The following ZNF750 variants were observed in gnomAD, a reference collection of about 807,000 sequenced individuals.
The protein encoded by ZNF750 is zinc finger protein 750.
In ZNF750, 10 loss-of-function variants were observed where a neutral mutation model predicts 31.6. The observed-to-expected ratio is 0.32, with a 90% CI of 0.19 to 0.54. The LOEUF is 0.54. Among genes scored for constraint, ZNF750 ranks in the 20% least tolerant of loss-of-function variants. ZNF750 has a pLI of 0.95. For synonymous variants in ZNF750, 400 were observed against 404.9 expected (o/e 0.99, Z 0.15); for missense variants, 914 against 934.9 (o/e 0.98, Z 0.29).
At position 82,833,224 on chromosome 17, in the gene ZNF750, G is replaced by A. The variant is rs1487801341; in HGVS notation, c.-182-588C>T. Among the ~76,000 whole-genome samples the A allele has an allele frequency of 6.6e-6, 1 of 152,054 alleles. No homozygotes were observed. Among genetic ancestry groups the A allele is most frequent in the Admixed American group, 6.5e-5 (1 of 15,278 alleles). ...AGCGTGGGCTGGCCACCGTCTACTT[G>A]CTCCTACCTGCTGGCTGGGAGCTCT... is the stretch of plus-strand genomic sequence containing the variant. On this transcript the variant is annotated intron_variant, in intron 1 of 2. Transcript: ENST00000269394. This position sits in a 1 kb window ranked among gnomAD's most constrained non-coding sequence, Gnocchi z 4.7.
In ZNF750 at chr17:82,830,147, A is replaced by G. The variant is rs2053345064; in HGVS notation, c.2167T>C (p.Ser723Pro). ...ACACACGTGTGAACCCGGCGTTAGGACACCCGGGCCCTCCTTCGTAGTGTG... is the reference window on the plus strand; with the variant it reads ...ACACACGTGTGAACCCGGCGTTAGGGCACCCGGGCCCTCCTTCGTAGTGTG... ...VFTLRRRARV[S>P] Residue 723 changes from serine to proline, a missense_variant, in exon 3 of 3, where the codon TCC becomes CCC. Ser to Pro is a moderately conservative substitution (Grantham distance 74). Coordinates refer to ENST00000269394, the MANE Select transcript of ZNF750 (RefSeq NM_024702.3). 6.2e-7 allele frequency: 1 copy of G among 1,613,592 alleles called. No homozygotes were observed. The highest frequency in any genetic ancestry group is 1.3e-5 in the African/African-American group (1 of 74,910).
chr17:82,838,837 G>C (rs932261975), intron 1 of ZNF750: 2 of 985,430 alleles, frequency 2.0e-6, no homozygotes, highest in African/African-American at 1.7e-5. Context: ...ACCTGAGCTC[G>C]TAAACAAACG....
At position 82,831,127 on chromosome 17, in the gene ZNF750, C is replaced by T. The variant is rs2053468809; in HGVS notation, c.1328G>A (p.Gly443Glu). ...GCTTTGCTCTGGCGGGTAGAGTCTT[C>T]CCAGTGCGCTGGAGGCTGCCTTGTT... ...LSNKAASSAL[G>E]RLYPPEQSLT... Residue 443 changes from glycine to glutamate, a missense_variant, in exon 2 of 3, where the codon GGA becomes GAA. Around this residue, in one of 2 missense-constraint regions of ZNF750, gnomAD observed 880 missense variants for 868.9 expected, o/e 1.01. Transcript: ENST00000269394. The surrounding 1 kb of genome is among the most constrained non-coding windows in gnomAD (Gnocchi z 4.6). 6.2e-7 allele frequency: 1 copy of T among 1,614,122 alleles called. No individual in the cohort carries two copies. The highest frequency in any genetic ancestry group is 8.5e-7 in the Non-Finnish European group (1 of 1,180,038).
rs1321305462 is a variant in ZNF750 at position 82,833,615 on chromosome 17, T to C, written c.-182-979A>G. 6.6e-6 allele frequency among the ~76,000 whole-genome samples: 1 copy of C among 152,198 alleles called. No individual in the cohort carries two copies. Among genetic ancestry groups the C allele is most frequent in the Non-Finnish European group, 1.5e-5 (1 of 68,038 alleles). On this transcript the variant is annotated intron_variant, in intron 1 of 2. Transcript: ENST00000269394. The surrounding 1 kb of genome is among the most constrained non-coding windows in gnomAD (Gnocchi z 4.7). ...CCCGGTTCCTGCTGGCCAGGAGGCA[T>C]GGCCAGCAGCGCCTGCCCGTCCAGA...
chr17:82,832,448 G>C lies in ZNF750; in HGVS notation c.7C>G (p.Leu3Val), dbSNP rs762572309. The C allele has an allele frequency of 6.2e-7, 1 of 1,610,710 alleles. No homozygotes were observed. The highest frequency in any genetic ancestry group is 8.5e-7 in the Non-Finnish European group (1 of 1,179,940). ...TTTTTTGGCTTCCGCTCTTTGAGGA[G>C]ACTCATTTTCCTCCTTATGCCTTGG... MS[L>V]LKERKPKKPH... Residue 3 changes from leucine (L) to valine (V), a missense_variant, in exon 2 of 3, where the codon CTC (leucine) becomes GTC (valine). Transcript: ENST00000269394. The surrounding 1 kb of genome is among the most constrained non-coding windows in gnomAD (Gnocchi z 4.9).
rs2053703394 is a variant in ZNF750 at position 82,833,609 on chromosome 17, G to C, written c.-182-973C>G. 6.6e-6 allele frequency among the ~76,000 whole-genome samples: 1 copy of C among 152,318 alleles called. No individual in the cohort carries two copies. Among genetic ancestry groups the C allele is most frequent in the African/African-American group, 2.4e-5 (1 of 41,566 alleles). The stretch of plus-strand genomic sequence containing the variant: ...CGGTCACCCGGTTCCTGCTGGCCAG[G>C]AGGCATGGCCAGCAGCGCCTGCCCG... On this transcript the variant is annotated intron_variant, in intron 1 of 2. Transcript: ENST00000269394. This position sits in a 1 kb window ranked among gnomAD's most constrained non-coding sequence, Gnocchi z 4.7.
intron 2 of ZNF750, 56 bp downstream of exon 2, chr17:82,830,963 C>G (rs957646999): frequency 6.2e-7 from 1 of 1,613,302 alleles, no homozygotes. Context: ...AAGCCTGGCT[C>G]ATGGAACCCA....
At position 82,831,861 on chromosome 17, in the gene ZNF750, C is replaced by T. The variant is rs1029418347; in HGVS notation, c.594G>A (p.Ser198=). 9 of 1,613,922 alleles carry T rather than the reference C, an allele frequency of 5.6e-6. No individual in the cohort carries two copies. Among genetic ancestry groups the T allele is most frequent in the Admixed American group, 3.3e-5 (2 of 59,994 alleles). The change falls in exon 2 of 3, where the codon TCG becomes TCA. Residue 198 remains serine (S), a synonymous_variant. Coordinates refer to ENST00000269394, the MANE Select transcript of ZNF750 (RefSeq NM_024702.3). The surrounding 1 kb of genome is among the most constrained non-coding windows in gnomAD (Gnocchi z 4.6). ...TAKAVSFHTK[S]AFHTPGYPWK... is the part of the protein sequence containing the mutation. ...AGGGGTAGCCAGGAGTGTGGAAGGC[C>T]GACTTGGTGTGGAAAGACACGGCCT...
Position 82,832,739 on chromosome 17 carries a change from C to T in ZNF750, c.-182-103G>A, listed in dbSNP as rs2053626968. On this transcript the variant is annotated intron_variant, in intron 1 of 2. Coordinates refer to ENST00000269394, the MANE Select transcript of ZNF750 (RefSeq NM_024702.3). This position sits in a 1 kb window ranked among gnomAD's most constrained non-coding sequence, Gnocchi z 4.9. ...CCACAGGATCCCTGAAGCAGAACCC[C>T]TGAAGGGCTGAAACTGCCTGCTCCT... 2.1e-5 allele frequency: 10 copies of T among 484,394 alleles called. No homozygotes were observed. The highest frequency in any genetic ancestry group is 1.7e-4 in the South Asian group (8 of 47,152). The allele number at this position is 484,394 out of a possible 1,614,324, so 30.0% of individuals were successfully genotyped here.
intron 1 of ZNF750, among the ~76,000 whole-genome samples, chr17:82,836,169 G>A (rs753298438): frequency 1.4e-4 from 22 of 152,262 alleles, no homozygotes; most frequent in Non-Finnish European, 3.1e-4. Flanking sequence ...GGTGATGAAA[G>A]CAGTTTCCCT....
Position 82,831,469 on chromosome 17 carries a change from GA to G in ZNF750, c.985del (p.Ser329ProfsTer37). 6.2e-7 allele frequency: 1 copy of G among 1,614,214 alleles called. No homozygotes were observed. Among genetic ancestry groups the G allele is most frequent in the Non-Finnish European group, 8.5e-7 (1 of 1,180,038 alleles). On this transcript the variant is annotated frameshift_variant, in exon 2 of 3. Transcript: ENST00000269394. LOFTEE classifies it high-confidence loss of function. This position sits in a 1 kb window ranked among gnomAD's most constrained non-coding sequence, Gnocchi z 4.6. ...YGFYRPESAF[S>X]SYGLRLPPVT... ...AGGTGGGAGTCTGAGACCATAGGAG[GA>G]AAATGCAGACTCTGGCCTGTAAAAT... is the stretch of plus-strand genomic sequence containing the variant.
chr17:82,832,029 A>G lies in ZNF750; in HGVS notation c.426T>C (p.Ala142=). 2 of 1,612,760 alleles carry G rather than the reference A, an allele frequency of 1.2e-6. No individual in the cohort carries two copies. The highest frequency in any genetic ancestry group is 1.3e-5 in the African/African-American group (1 of 74,992). The change falls in exon 2 of 3, where the codon GCT becomes GCC. Residue 142 remains alanine, a synonymous_variant. Transcript: ENST00000269394. This position sits in a 1 kb window ranked among gnomAD's most constrained non-coding sequence, Gnocchi z 4.9. ...LHRASPCKSP[A]PEAALGAQPA... Reference sequence around the variant, plus strand: ...GCTGGGCACCGAGGGCGGCTTCCGGAGCTGGGCTCTTGCAGGGTGATGCCC... The same window carrying G: ...GCTGGGCACCGAGGGCGGCTTCCGGGGCTGGGCTCTTGCAGGGTGATGCCC...
rs1460718970 is a variant in ZNF750, at chr17:82,830,325, G to C, written c.1989C>G (p.Cys663Trp). Reference sequence around the variant, plus strand: ...AGCTCAGTGTGGGTGTGTCTTGCCGGCAGGCAGGTTCCGGGGCCGCAGCAT... The same window carrying C: ...AGCTCAGTGTGGGTGTGTCTTGCCGCCAGGCAGGTTCCGGGGCCGCAGCAT... Reference protein sequence around the residue: ...DGDAAAPEPACRQDTPTLSSM... With the variant: ...DGDAAAPEPAWRQDTPTLSSM... The change falls in exon 3 of 3, where the codon TGC (cysteine) becomes TGG (tryptophan). Residue 663 changes from cysteine (C) to tryptophan (W), a missense_variant. Physicochemically the swap from Cys to Trp is radical, Grantham distance 215. Transcript: ENST00000269394. The C allele has an allele frequency of 1.2e-6, 2 of 1,614,024 alleles. No individual in the cohort carries two copies. Among genetic ancestry groups the C allele is most frequent in the Non-Finnish European group, 1.7e-6 (2 of 1,180,044 alleles).
chr17:82,837,233 A>G lies in ZNF750; in HGVS notation c.-183+2694T>C, dbSNP rs201380869. 1.1e-4 allele frequency among the ~76,000 whole-genome samples: 16 copies of G among 152,346 alleles called. No homozygotes were observed. In the East Asian group the frequency reaches 3.1e-3, roughly 29 times the overall value. On this transcript the variant is annotated intron_variant, in intron 1 of 2. Coordinates refer to ENST00000269394, the MANE Select transcript of ZNF750 (RefSeq NM_024702.3). ...TGCTTAAGTGAGGTTTATAAGGATG[A>G]AGAAACCAAACCCGACGGCCAGTAC...
At position 82,830,474 on chromosome 17, in the gene ZNF750, G is replaced by A. The variant is rs144887046; in HGVS notation, c.1840C>T (p.Pro614Ser). 9.8e-5 allele frequency: 158 copies of A among 1,613,122 alleles called. No homozygotes were observed. Among genetic ancestry groups the A allele is most frequent in the Non-Finnish European group, 1.2e-4 (146 of 1,179,742 alleles). Residue 614 changes from proline (P) to serine (S), a missense_variant, in exon 3 of 3, where the codon CCC becomes TCC. Pro to Ser is a moderately conservative substitution (Grantham distance 74). Coordinates refer to ENST00000269394, the MANE Select transcript of ZNF750 (RefSeq NM_024702.3). ...CATGCGTCTGGAGCCTCCTCGCCGG[G>A]GCCTGTGGGTGGGGCCCCGTCACCG... ...LDGDGAPPTG[P>S]GEEAPDACAV...
Position 82,832,585 on chromosome 17 carries a change from G to C in ZNF750, c.-131C>G. On this transcript the variant is annotated 5_prime_UTR_variant, in exon 2 of 3. Coordinates refer to ENST00000269394, the MANE Select transcript of ZNF750 (RefSeq NM_024702.3). The surrounding 1 kb of genome is among the most constrained non-coding windows in gnomAD (Gnocchi z 4.9). ...TCCCGATCACTTCTATCAGAAGCCA[G>C]CTCTGCGTGCTGAGGGTCTGGCGAG... 1.2e-6 allele frequency: 1 copy of C among 804,986 alleles called. No homozygotes were observed. The allele number at this position is 804,986 out of a possible 1,614,324, so 49.9% of individuals were successfully genotyped here. A position where few individuals can be genotyped will look rare whatever the true frequency, so the allele number is the denominator to read the frequency against.
intron 1 of ZNF750, 95 bp downstream of exon 1, chr17:82,839,832 C>T (rs1051738043): frequency 6.6e-6 from 1 of 152,182 alleles, no homozygotes; most frequent in Admixed American, 6.5e-5. Context: ...AGAGCAGACA[C>T]GGAGCAAACG....
In ZNF750 at chr17:82,831,939, C is replaced by A. The variant is rs750293670; in HGVS notation, c.516G>T (p.Gly172=). The stretch of plus-strand genomic sequence containing the variant: ...TCTCGGGCGCCTCGGCGTTGTCTGG[C>A]CCCTTGAGTCTGTGCTCGCCGACTG... The part of the protein sequence containing the change: ...FVPVGEHRLK[G]PDNAEAPETL... The change falls in exon 2 of 3, where the codon GGG becomes GGT. Residue 172 remains glycine (G), a synonymous_variant. Coordinates refer to ENST00000269394, the MANE Select transcript of ZNF750 (RefSeq NM_024702.3). The surrounding 1 kb of genome is among the most constrained non-coding windows in gnomAD (Gnocchi z 4.6). The A allele has an allele frequency of 1.8e-5, 29 of 1,613,992 alleles. No homozygotes were observed. Among genetic ancestry groups the A allele is most frequent in the Non-Finnish European group, 2.4e-5 (28 of 1,180,028 alleles).
chr17:82,838,121 C>T (rs1396479213), intron 1 of ZNF750, among the ~76,000 whole-genome samples: 3 of 152,212 alleles, frequency 2.0e-5, no homozygotes, highest in Admixed American at 6.5e-5. Flanking sequence ...GGTGTTGGGG[C>T]GTAGCTGCCC....
Sources: allele counts gnomAD v4.1 joint callset (sites outside exome capture counted in the v4.1 genomes callset), GRCh38; gene constraint gnomAD v4.1.1; regional missense constraint gnomAD v4.1.1; non-coding constraint Gnocchi (gnomAD v3.1); transcripts MANE v1.5; gene names NCBI Gene and HGNC (gene_info 2026-07-23, HGNC 2026-07-21).